The following SH3KBP1 variants were observed in gnomAD, a reference collection of about 807,000 sequenced individuals.
SH3KBP1 encodes SH3 domain containing kinase binding protein 1, also known as SH3 domain-containing kinase-binding protein 1.
Under a neutral mutation model 50.1 loss-of-function variants are expected in SH3KBP1, and 8 were observed. That is an observed-to-expected ratio of 0.16 (90% CI 0.09 to 0.29). The LOEUF is 0.29. Ranked by LOEUF, SH3KBP1 falls within the 10% of genes least tolerant of loss-of-function variation. The pLI is 1.00. For synonymous variants in SH3KBP1, 227 were observed against 218.6 expected, an observed-to-expected ratio of 1.04 and a Z score of -0.34; for missense variants, 377 against 535.2, an observed-to-expected ratio of 0.70 and a Z score of 2.92.
chrX:19,543,496 G>C (rs1273537999), intron 15 of SH3KBP1, among the ~76,000 whole-genome samples: 1 of 111,310 alleles, frequency 9.0e-6, no homozygotes, highest in African/African-American at 3.3e-5. Flanking sequence ...GAGTCCACTT[G>C]GTGGAGCCAG....
chrX:19,614,953 CCCAA>C (rs1157709680), intron 8 of SH3KBP1, among the ~76,000 whole-genome samples: 1 of 111,963 alleles, frequency 8.9e-6, no homozygotes, highest in Non-Finnish European at 1.9e-5. Flanking sequence ...AGATGAATGA[CCCAA>C]TCTTCCTCCA....
intron 1 of SH3KBP1, among the ~76,000 whole-genome samples, chrX:19,837,865 A>C (rs2068102250): frequency 8.9e-6 from 1 of 112,195 alleles, no homozygotes; most frequent in Admixed American, 9.5e-5. Context: ...AATTATGATA[A>C]AATAATGGAA....
At chrX:19,853,696 C>T (rs2068570601) in intron 1 of SH3KBP1, among the ~76,000 whole-genome samples, 1 of 111,503 alleles carries the variant, frequency 9.0e-6, no homozygotes, top group South Asian at 3.7e-4. Context: ...GATGCAGTGG[C>T]TCACGCCTGT....
Position 19,698,820 on chromosome X carries a change from C to T in SH3KBP1, c.391-3079G>A, listed in dbSNP as rs137897444. On this transcript the variant is annotated intron_variant, in intron 4 of 17. Coordinates refer to ENST00000397821, the MANE Select transcript of SH3KBP1 (RefSeq NM_031892.3). ...TGTAAAGACGAGGACACGGACACTGCCATGTGATTTCATTCATTCATTCAT... is the reference window on the plus strand; with the variant it reads ...TGTAAAGACGAGGACACGGACACTGTCATGTGATTTCATTCATTCATTCAT... Among the ~76,000 whole-genome samples, 328 of 111,855 alleles carry T rather than the reference C, an allele frequency of 2.9e-3. 1 individual carries two copies. The highest frequency in any genetic ancestry group is 0.01 in the African/African-American group (316 of 30,751).
At chrX:19,836,926 G>C (rs1195580939) in intron 1 of SH3KBP1, among the ~76,000 whole-genome samples, 2 of 111,560 alleles carry the variant, frequency 1.8e-5, no homozygotes, top group East Asian at 5.6e-4. Flanking sequence ...CTTTTGTTTG[G>C]CATTTCTCCT....
At chrX:19,664,942 T>C (rs901777684) in intron 6 of SH3KBP1, among the ~76,000 whole-genome samples, 24 of 112,261 alleles carry the variant, frequency 2.1e-4, no homozygotes, top group Non-Finnish European at 5.6e-5. Context: ...AACTAGACAA[T>C]GCTAAGCACT....
chrX:19,758,178 A>G (rs2065267593), intron 2 of SH3KBP1, among the ~76,000 whole-genome samples: 1 of 109,835 alleles, frequency 9.1e-6, no homozygotes, highest in Non-Finnish European at 1.9e-5. Context: ...ATACAAAAAA[A>G]GTAGCCAGGT....
chrX:19,554,159 AAATAT>A (rs2065380319), intron 13 of SH3KBP1, among the ~76,000 whole-genome samples: 1 of 77,240 alleles, frequency 1.3e-5, no homozygotes, highest in South Asian at 5.7e-4. Context: ...TATCATATTA[AAATAT>A]AATATATATC....
intron 14 of SH3KBP1, among the ~76,000 whole-genome samples, chrX:19,549,529 G>A (rs1398977984): frequency 9.0e-6 from 1 of 111,479 alleles, no homozygotes; most frequent in African/African-American, 3.3e-5. Flanking sequence ...TCTGTGGAGG[G>A]GTACAGGCAA....
Position 19,695,769 on chromosome X carries a change from G to C in SH3KBP1, c.391-28C>G, listed in dbSNP as rs371290667. The C allele has an allele frequency of 3.2e-5, 38 of 1,203,572 alleles. No individual in the cohort carries two copies. The African/African-American group carries it at 4.1e-4, about 13-fold the overall frequency. Reference sequence around the variant, plus strand: ...GCAGAGATACAAACAAAAGAGCAGAGATACATGGGTCAGGTTAGACATGGT... The same window carrying C: ...GCAGAGATACAAACAAAAGAGCAGACATACATGGGTCAGGTTAGACATGGT... On this transcript the variant is annotated intron_variant, in intron 4 of 17. Coordinates refer to ENST00000397821, the MANE Select transcript of SH3KBP1 (RefSeq NM_031892.3).
intron 7 of SH3KBP1, among the ~76,000 whole-genome samples, chrX:19,640,819 A>G (rs1463320438): frequency 8.9e-6 from 1 of 111,895 alleles, no homozygotes; most frequent in Non-Finnish European, 1.9e-5. Context: ...TCTGCAACCA[A>G]TCAGATGTTT....
chrX:19,809,184 C>T (rs973420003), intron 2 of SH3KBP1, among the ~76,000 whole-genome samples: 1 of 111,748 alleles, frequency 8.9e-6, no homozygotes. Flanking sequence ...TTTGGCAACG[C>T]TTCAGAAATT....
chrX:19,606,694 G>A (rs760351251), intron 9 of SH3KBP1, among the ~76,000 whole-genome samples: 1 of 112,076 alleles, frequency 8.9e-6, no homozygotes, highest in African/African-American at 3.2e-5. Flanking sequence ...ACCAGAGAAC[G>A]CTGTTAAAAT....
intron 4 of SH3KBP1, among the ~76,000 whole-genome samples, chrX:19,700,942 G>A (rs1041106359): frequency 1.8e-5 from 2 of 112,158 alleles, no homozygotes; most frequent in Non-Finnish European, 3.8e-5. Flanking sequence ...TTCTACATGA[G>A]AGGCGGCCCT....
chrX:19,589,425 G>A lies in SH3KBP1; in HGVS notation c.1139-623C>T, dbSNP rs2066671974. Among the ~76,000 whole-genome samples, 4 of 111,925 alleles carry A rather than the reference G, an allele frequency of 3.6e-5. No individual in the cohort carries two copies. The Admixed American group carries it at 3.8e-4, about 11-fold the overall frequency. On this transcript the variant is annotated intron_variant, in intron 11 of 17. Transcript: ENST00000397821. ...TGAAAAGGGCCATGAGCAAATAAAA[G>A]GGAGAGCATTTCAGGGAACAATGAG...
intron 9 of SH3KBP1, among the ~76,000 whole-genome samples, chrX:19,606,436 C>G (rs1024317471): frequency 4.4e-5 from 5 of 112,682 alleles, no homozygotes; most frequent in Non-Finnish European, 9.4e-5. Flanking sequence ...TGTTTAGTAT[C>G]TTTTCTTCTC....
At chrX:19,757,430 G>A (rs2065243297) in intron 2 of SH3KBP1, among the ~76,000 whole-genome samples, 1 of 110,121 alleles carries the variant, frequency 9.1e-6, no homozygotes, top group South Asian at 3.9e-4. Context: ...TACAGGTGCA[G>A]TTGTCCCCTG....
intron 1 of SH3KBP1, among the ~76,000 whole-genome samples, chrX:19,860,084 A>G (rs2068743854): frequency 9.1e-6 from 1 of 110,399 alleles, no homozygotes; most frequent in African/African-American, 3.3e-5. Context: ...TACTCTATCC[A>G]TACTATGGAA....
At chrX:19,835,454 TTTAA>T (rs775931617) in intron 2 of SH3KBP1, among the ~76,000 whole-genome samples, 23 of 112,099 alleles carry the variant, frequency 2.1e-4, no homozygotes, top group Non-Finnish European at 3.8e-4. Flanking sequence ...CTACATTTAA[TTTAA>T]TTGTTATTTA....
Sources: gnomAD v4.1 joint callset for allele counts (sites outside exome capture counted in the v4.1 genomes callset) on GRCh38, gnomAD v4.1.1 for gene constraint, MANE v1.5 for transcripts, NCBI Gene and HGNC (gene_info 2026-07-23, HGNC 2026-07-21) for gene names.